NIN: variants seen among roughly 807,000 people sequenced by gnomAD.
NIN encodes the protein glycogen synthase kinase 3 beta-interacting protein.
In NIN, 137 loss-of-function variants were observed where a neutral mutation model predicts 257.6. The observed-to-expected ratio is 0.53, with a 90% confidence interval of 0.46 to 0.61. The LOEUF is 0.61. Among genes scored for constraint, NIN ranks in the 20% least tolerant of loss-of-function variants. The pLI is 0.00. For missense variants in NIN, 2,439 were observed against 2,501.2 expected, an observed-to-expected ratio of 0.98 and a Z score of 0.53; for synonymous variants, 918 against 919.8, an observed-to-expected ratio of 1.00 and a Z score of 0.04.
intron 3 of NIN, among the ~76,000 whole-genome samples, chr14:50,819,470 C>T (rs1698466421): frequency 1.3e-5 from 2 of 152,172 alleles, no homozygotes; most frequent in African/African-American, 2.4e-5. Context: ...CCCTTTTGCT[C>T]GGCTTTCATT....
chr14:50,750,524 T>C (rs8017481), intron 21 of NIN, among the ~76,000 whole-genome samples: 106,155 of 152,108 alleles, frequency 0.7, 37,490 homozygotes, highest in Middle Eastern at 0.78. Context: ...CCATACCTCT[T>C]ATGAGAATCC....
chr14:50,791,345 G>A (rs1373026493), intron 5 of NIN, among the ~76,000 whole-genome samples: 1 of 152,174 alleles, frequency 6.6e-6, no homozygotes, highest in Non-Finnish European at 1.5e-5. Context: ...ACCCAAGAAA[G>A]GAGAAGGACT....
At chr14:50,788,780 T>C (rs557874857) in intron 5 of NIN, among the ~76,000 whole-genome samples, 23 of 152,330 alleles carry the variant, frequency 1.5e-4, no homozygotes, top group Admixed American at 1.3e-3. Flanking sequence ...ACTGTTCCAT[T>C]CCACTGCCCA....
Position 50,743,652 on chromosome 14 carries a change from A to G in NIN, c.5188-123T>C, listed in dbSNP as rs906772611. ...ATCTATTTATGTAGGGGAGCAGGGC[A>G]AGGTCAAAGGAAATGGTCTTCCTGG... On this transcript the variant is annotated intron_variant, in intron 23 of 30. Transcript: ENST00000530997. The G allele has an allele frequency of 2.2e-5, 13 of 592,022 alleles. No homozygotes were observed. In the Admixed American group the frequency reaches 2.9e-4, roughly 13 times the overall value. The allele number at this position is 592,022 out of a possible 1,614,324, so 36.7% of individuals were successfully genotyped here. A position where few individuals can be genotyped will look rare whatever the true frequency, so the allele number is the denominator to read the frequency against.
chr14:50,827,148 T>C (rs1268203184), intron 2 of NIN, among the ~76,000 whole-genome samples: 1 of 152,256 alleles, frequency 6.6e-6, no homozygotes, highest in Non-Finnish European at 1.5e-5. Flanking sequence ...GCACAGATTT[T>C]CAGGCTCACC....
At position 50,772,200 on chromosome 14, in the gene NIN, A is replaced by G. The variant is rs1595834767; in HGVS notation, c.981+101T>C. ...TTGAGACTTTGTGAACAGAAGTACCATTAAGAAGAAAGAAAATCAAATCAC... is the reference window on the plus strand; with the variant it reads ...TTGAGACTTTGTGAACAGAAGTACCGTTAAGAAGAAAGAAAATCAAATCAC... On this transcript the variant is annotated intron_variant, in intron 9 of 30. Coordinates refer to ENST00000530997, the MANE Select transcript of NIN (RefSeq NM_020921.4). The G allele has an allele frequency of 7.1e-6, 8 of 1,122,246 alleles. No homozygotes were observed. In the East Asian group the frequency reaches 2.0e-4, roughly 29 times the overall value. 69.5% of individuals were successfully genotyped at this position (1,122,246 alleles called of 1,614,324 possible). A position where few individuals can be genotyped will look rare whatever the true frequency, so the allele number is the denominator to read the frequency against.
In NIN at chr14:50,770,404, AG is replaced by A; in HGVS notation, c.1417del (p.Ala474ProfsTer4). ...GATGATTACCTTTAAAGAGAGGGCA[AG>A]GCGGTCCCGGATATAGTTCTCTTCT... ...KTEENYIRDRLALSLKENSRL... is the reference protein window; with the variant it reads ...KTEENYIRDRXALSLKENSRL... On this transcript the variant is annotated frameshift_variant, in exon 12 of 31. Transcript: ENST00000530997. LOFTEE classifies it high-confidence loss of function. The A allele has an allele frequency of 6.2e-7, 1 of 1,614,200 alleles. No individual in the cohort carries two copies. The highest frequency in any genetic ancestry group is 8.5e-7 in the Non-Finnish European group (1 of 1,180,030).
At position 50,768,052 on chromosome 14, in the gene NIN, AACACACACACACACACACAC is replaced by A. The variant is rs61028485; in HGVS notation, c.1435-1182_1435-1163del. ...AGAAAGATTTCCAACCACATTTGCC[AACACACACACACACACACAC>A]ACACACACACACACACACACACACA... On this transcript the variant is annotated intron_variant, in intron 12 of 30. Transcript: ENST00000530997. Among the ~76,000 whole-genome samples, 744 of 139,066 alleles carry A rather than the reference AACACACACACACACACACAC, an allele frequency of 5.3e-3. 2 individuals are homozygous for A. The highest frequency in any genetic ancestry group is 7.2e-3 in the Non-Finnish European group (459 of 64,116). The allele number at this position is 139,066 out of a possible 152,430, so 91.2% of individuals were successfully genotyped here. A position where few individuals can be genotyped will look rare whatever the true frequency, so the allele number is the denominator to read the frequency against.
intron 2 of NIN, among the ~76,000 whole-genome samples, chr14:50,824,565 T>G (rs979314053): frequency 1.3e-5 from 2 of 152,232 alleles, no homozygotes; most frequent in Non-Finnish European, 2.9e-5. Context: ...TGTTCATCAG[T>G]AATTTCATGT....
chr14:50,740,573 G>A (rs1303305656), intron 25 of NIN, among the ~76,000 whole-genome samples: 1 of 151,850 alleles, frequency 6.6e-6, no homozygotes, highest in Non-Finnish European at 1.5e-5. Context: ...TGGTCTTGAA[G>A]TCCTGACCTC....
chr14:50,805,749 T>G (rs1457303490), intron 4 of NIN, among the ~76,000 whole-genome samples: 9 of 152,214 alleles, frequency 5.9e-5, no homozygotes, highest in South Asian at 2.1e-4. Context: ...TGAGGTATAA[T>G]TTACATAGAG....
intron 12 of NIN, among the ~76,000 whole-genome samples, chr14:50,768,046 T>G (rs1480463719): frequency 2.4e-5 from 3 of 126,370 alleles, no homozygotes; most frequent in African/African-American, 9.1e-5. Context: ...TCCAACCACA[T>G]TTGCCAACAC....
At chr14:50,743,667 G>A (rs959393171) in intron 23 of NIN, 138 bp from the exon 24 acceptor site, 27 of 560,148 alleles carry the variant, frequency 4.8e-5, no homozygotes, top group Non-Finnish European at 7.5e-5. Flanking sequence ...CAAAGGAAAT[G>A]GTCTTCCTGG....
intron 12 of NIN, among the ~76,000 whole-genome samples, chr14:50,768,230 C>G (rs1354685535): frequency 5.9e-5 from 9 of 151,850 alleles, no homozygotes; most frequent in Non-Finnish European, 1.3e-4. Context: ...CACCCTCATA[C>G]AGCAATATAA....
chr14:50,770,763 C>CA (rs2042696085), intron 11 of NIN, 89 bp downstream of exon 11: 17 of 1,472,756 alleles, frequency 1.2e-5, no homozygotes, highest in Non-Finnish European at 1.5e-5. Context: ...GAAGAGTCCC[C>CA]AGTGCACTGT....
chr14:50,755,115 T>G (rs2041963300), intron 18 of NIN, among the ~76,000 whole-genome samples: 1 of 152,342 alleles, frequency 6.6e-6, no homozygotes, highest in Middle Eastern at 3.4e-3. Flanking sequence ...GAGAAATGAA[T>G]CAAGACTCAA....
At chr14:50,762,804 A>G (rs1195560948) in intron 15 of NIN, among the ~76,000 whole-genome samples, 2 of 152,174 alleles carry the variant, frequency 1.3e-5, no homozygotes, top group Non-Finnish European at 2.9e-5. Context: ...TTTCTTGGGT[A>G]TATGTCTAGC....
chr14:50,815,994 G>A (rs1365377726), intron 3 of NIN, among the ~76,000 whole-genome samples: 6 of 152,150 alleles, frequency 3.9e-5, no homozygotes, highest in Non-Finnish European at 8.8e-5. Flanking sequence ...GCGACAGGGC[G>A]AGACTCCATG....
At chr14:50,745,865 A>G (rs1423328100) in intron 22 of NIN, among the ~76,000 whole-genome samples, 1 of 152,142 alleles carries the variant, frequency 6.6e-6, no homozygotes, top group African/African-American at 2.4e-5. Context: ...ACGATATCAT[A>G]CAGAGTGACA....
Sources: allele counts gnomAD v4.1 joint callset (sites outside exome capture counted in the v4.1 genomes callset), GRCh38; gene constraint gnomAD v4.1.1; transcripts MANE v1.5; gene names NCBI Gene and HGNC (gene_info 2026-07-23, HGNC 2026-07-21).